KBTBD8: variants seen among roughly 807,000 people sequenced by gnomAD.
The protein encoded by KBTBD8 is kelch repeat and BTB domain-containing protein 8.
In KBTBD8, 31 loss-of-function variants were observed where a neutral mutation model predicts 53.5. The ratio of observed to expected loss-of-function variants is 0.58; its 90% CI spans 0.44 to 0.78. The LOEUF (loss-of-function observed/expected upper bound fraction) is 0.78, where lower values mean the gene tolerates loss of function less well. Among genes scored for constraint, KBTBD8 ranks in the 30% least tolerant of loss-of-function variants. The pLI, the probability that KBTBD8 is intolerant of heterozygous loss-of-function variation, is 0.00. For missense variants in KBTBD8, 642 were observed against 735.8 expected (o/e 0.87, Z 1.48); for synonymous variants, 250 against 247.3 (o/e 1.01, Z -0.10).
rs1327761951 is a variant in KBTBD8 at position 67,003,373 on chromosome 3, C to G, written c.406C>G (p.Gln136Glu). The G allele has an allele frequency of 3.1e-6, 5 of 1,614,148 alleles. No homozygotes were observed. Among genetic ancestry groups the G allele is most frequent in the Middle Eastern group, 1.6e-4 (1 of 6,062 alleles). The change falls in exon 3 of 4, where the codon CAA becomes GAA. Residue 136 changes from glutamine to glutamate, a missense_variant. Gln to Glu is a conservative substitution (Grantham distance 29, BLOSUM62 2). Coordinates refer to ENST00000417314, the MANE Select transcript of KBTBD8 (RefSeq NM_032505.3). Reference sequence around the variant, plus strand: ...TAGCATCTTCCAGATTCCTTCCATCCAAGACCAATGTGCTAAGTATATGAT... The same window carrying G: ...TAGCATCTTCCAGATTCCTTCCATCGAAGACCAATGTGCTAAGTATATGAT... ...AASIFQIPSI[Q>E]DQCAKYMISH... is the part of the protein sequence containing the mutation.
chr3:67,008,286 G>T lies in KBTBD8; in HGVS notation c.1707G>T (p.Met569Ile). ...ATGATGACATTGCTGACCAGTGGAT[G>T]AAAGTGTATGAGACCCCAGATCGGC... Reference protein sequence around the residue: ...YQYDDIADQWMKVYETPDRLW... With the variant: ...YQYDDIADQWIKVYETPDRLW... The change falls in exon 4 of 4, where the codon ATG becomes ATT. Residue 569 changes from methionine to isoleucine, a missense_variant. Physicochemically the swap from Met to Ile is conservative, Grantham distance 10. Coordinates refer to ENST00000417314, the MANE Select transcript of KBTBD8 (RefSeq NM_032505.3). 1 of 1,613,828 alleles carries T rather than the reference G, an allele frequency of 6.2e-7. No individual in the cohort carries two copies. The highest frequency in any genetic ancestry group is 8.5e-7 in the Non-Finnish European group (1 of 1,180,016).
chr3:67,003,539 T>A lies in KBTBD8; in HGVS notation c.572T>A (p.Leu191Ter). The change falls in exon 3 of 4, where the codon TTG becomes TAG. Residue 191 changes from leucine (L) to a stop codon, truncating the protein, a stop_gained. Coordinates refer to ENST00000417314, the MANE Select transcript of KBTBD8 (RefSeq NM_032505.3). LOFTEE classifies it high-confidence loss of function. ...ACCAAAGAACAAGAGTTTCTCCAGT[T>A]GACAAAAGACCAACTGATAAGTATA... Reference protein sequence around the residue: ...CVTKEQEFLQLTKDQLISILD... With the variant: ...CVTKEQEFLQ The A allele has an allele frequency of 6.2e-7, 1 of 1,614,122 alleles. No individual in the cohort carries two copies. The highest frequency in any genetic ancestry group is 8.5e-7 in the Non-Finnish European group (1 of 1,180,014).
In KBTBD8 at chr3:67,004,035, A is replaced by G. The variant is rs1488903649; in HGVS notation, c.1068A>G (p.Ala356=). ...GTGAGGTCTCCATCGACCATAAGGC[A>G]GAAAATGATTTCTGGATGTATGATC... ...SSSEVSIDHK[A]ENDFWMYDHS... Residue 356 remains alanine, a synonymous_variant, in exon 3 of 4, where the codon GCA becomes GCG. Coordinates refer to ENST00000417314, the MANE Select transcript of KBTBD8 (RefSeq NM_032505.3). 14 of 1,614,094 alleles carry G rather than the reference A, an allele frequency of 8.7e-6. No individual in the cohort carries two copies. Among genetic ancestry groups the G allele is most frequent in the Non-Finnish European group, 1.2e-5 (14 of 1,180,046 alleles).
At position 66,998,994 on chromosome 3, in the gene KBTBD8, T is replaced by C; in HGVS notation, c.30T>C (p.Ser10=). 1 of 1,606,394 alleles carries C rather than the reference T, an allele frequency of 6.2e-7. No individual in the cohort carries two copies. Among genetic ancestry groups the C allele is most frequent in the South Asian group, 1.1e-5 (1 of 90,050 alleles). Residue 10 remains serine (S), a synonymous_variant, in exon 2 of 4, where the codon TCT becomes TCC. Coordinates refer to ENST00000417314, the MANE Select transcript of KBTBD8 (RefSeq NM_032505.3). ...TTCTCCTCCTAGATTTAAGTAAGTC[T>C]TCCCCAACACCGAATGGGATTCCAT... MAASADLSK[S]SPTPNGIPSS...
At chr3:67,000,827 C>T (rs1159478751) in intron 2 of KBTBD8, among the ~76,000 whole-genome samples, 1 of 151,676 alleles carries the variant, frequency 6.6e-6, no homozygotes, top group Non-Finnish European at 1.5e-5. Flanking sequence ...TGTATGCTTA[C>T]TAAGTATACT....
chr3:67,001,540 A>G (rs920013639), intron 2 of KBTBD8, among the ~76,000 whole-genome samples: 3 of 152,226 alleles, frequency 2.0e-5, no homozygotes, highest in African/African-American at 4.8e-5. Flanking sequence ...AGTAGTTCCC[A>G]TGATAAAGGG....
intron 2 of KBTBD8, among the ~76,000 whole-genome samples, chr3:67,000,246 A>G (rs989619962): frequency 6.6e-6 from 1 of 152,212 alleles, no homozygotes; most frequent in Non-Finnish European, 1.5e-5. Flanking sequence ...TGCCTAGGGT[A>G]GGTCATTGGA....
Position 67,005,959 on chromosome 3 carries a change from C to T in KBTBD8, c.1342+1650C>T, listed in dbSNP as rs114610200. The stretch of plus-strand genomic sequence containing the variant: ...AAAAATTGTGTTCCTTGCTCTAATC[C>T]TTTATTTAACTAAAAATTTCCTAGT... On this transcript the variant is annotated intron_variant, in intron 3 of 3. Coordinates refer to ENST00000417314, the MANE Select transcript of KBTBD8 (RefSeq NM_032505.3). 9.4e-3 allele frequency among the ~76,000 whole-genome samples: 1,435 copies of T among 152,240 alleles called. 26 individuals carry two copies. The highest frequency in any genetic ancestry group is 0.033 in the African/African-American group (1,367 of 41,532).
At chr3:67,001,369 T>G (rs1182666551) in intron 2 of KBTBD8, among the ~76,000 whole-genome samples, 1 of 152,142 alleles carries the variant, frequency 6.6e-6, no homozygotes, top group Non-Finnish European at 1.5e-5. Flanking sequence ...AGAATTGAAA[T>G]TTGTATGATT....
At chr3:66,998,477 G>A (rs1283136309) in intron 1 of KBTBD8, 106 bp downstream of exon 1, 3 of 915,536 alleles carry the variant, frequency 3.3e-6, no homozygotes, top group Non-Finnish European at 4.5e-6. Context: ...GGAGCTAGAG[G>A]GAAGGATGAA....
chr3:67,000,005 C>A lies in KBTBD8; in HGVS notation c.227+814C>A, dbSNP rs927920159. On this transcript the variant is annotated intron_variant, in intron 2 of 3. Transcript: ENST00000417314. Reference sequence around the variant, plus strand: ...GCAGTTTTCTGCATGGGCTTAACTTCTTTTGTGTCAAATGCTCACTTTAAG... The same window carrying A: ...GCAGTTTTCTGCATGGGCTTAACTTATTTTGTGTCAAATGCTCACTTTAAG... 3.9e-5 allele frequency among the ~76,000 whole-genome samples: 6 copies of A among 152,190 alleles called. 1 individual carries two copies. The highest frequency in any genetic ancestry group is 6.5e-5 in the Admixed American group (1 of 15,284).
chr3:67,003,781 A>G lies in KBTBD8; in HGVS notation c.814A>G (p.Asn272Asp), dbSNP rs752315302. ...AKSCVEKGPS[N>D]TNGCTQRLGM... ...AAGCTGTGTAGAAAAGGGACCATCC[A>G]ACACCAATGGCTGTACACAGAGGCT... The change falls in exon 3 of 4, where the codon AAC (asparagine) becomes GAC (aspartate). Residue 272 changes from asparagine to aspartate, a missense_variant. By Grantham distance (23) the Asn-to-Asp change is conservative (BLOSUM62 1). Transcript: ENST00000417314. The G allele has an allele frequency of 1.2e-6, 2 of 1,614,218 alleles. No individual in the cohort carries two copies. Among genetic ancestry groups the G allele is most frequent in the South Asian group, 2.2e-5 (2 of 91,082 alleles).
chr3:66,998,502 T>G, intron 1 of KBTBD8, 131 bp downstream of exon 1: 2 of 711,042 alleles, frequency 2.8e-6, no homozygotes, highest in Non-Finnish European at 4.1e-6. Flanking sequence ...TGGAGGGGAA[T>G]GAGAAGAGGG....
intron 2 of KBTBD8, among the ~76,000 whole-genome samples, chr3:67,001,685 G>C (rs1282653090): frequency 6.6e-6 from 1 of 152,112 alleles, no homozygotes; most frequent in East Asian, 1.9e-4. Flanking sequence ...GGAACATCTA[G>C]TTTTTAGTCA....
rs760361083 is a variant in KBTBD8 at position 67,003,660 on chromosome 3, C to T, written c.693C>T (p.His231=). 14 of 1,614,074 alleles carry T rather than the reference C, an allele frequency of 8.7e-6. No homozygotes were observed. The highest frequency in any genetic ancestry group is 9.3e-6 in the Non-Finnish European group (11 of 1,180,022). ...FEHEQNEREV[H]LPEIFAKCIR... ...ATGAACAGAATGAAAGAGAAGTGCA[C>T]CTTCCAGAAATTTTTGCTAAATGCA... Residue 231 remains histidine (H), a synonymous_variant, in exon 3 of 4, where the codon CAC becomes CAT. Transcript: ENST00000417314.
intron 3 of KBTBD8, among the ~76,000 whole-genome samples, chr3:67,007,096 G>T (rs1009095138): frequency 6.6e-6 from 1 of 151,996 alleles, no homozygotes; most frequent in Non-Finnish European, 1.5e-5. Flanking sequence ...GCAACATTCA[G>T]GTAAGCACAT....
At chr3:67,002,970 G>A (rs546071891) in intron 2 of KBTBD8, among the ~76,000 whole-genome samples, 2 of 152,050 alleles carry the variant, frequency 1.3e-5, no homozygotes, top group East Asian at 1.9e-4. Context: ...TTTCATAGTT[G>A]GCACACAGCG....
intron 1 of KBTBD8, 145 bp from the exon 2 acceptor site, chr3:66,998,836 C>A: frequency 1.5e-6 from 1 of 669,542 alleles, no homozygotes; most frequent in Non-Finnish European, 2.6e-6. Flanking sequence ...CTCGCGGTCC[C>A]ACGAGGTCGT....
Position 67,003,735 on chromosome 3 carries a change from G to C in KBTBD8, c.768G>C (p.Gln256His), listed in dbSNP as rs746302687. 2.5e-6 allele frequency: 4 copies of C among 1,613,968 alleles called. No homozygotes were observed. Among genetic ancestry groups the C allele is most frequent in the Non-Finnish European group, 3.4e-6 (4 of 1,179,998 alleles). Reference sequence around the variant, plus strand: ...CCTTTATAGAGAAAATTCCACCTCAGTTTGCACAGGCTATAGCCAAAAGCT... The same window carrying C: ...CCTTTATAGAGAAAATTCCACCTCACTTTGCACAGGCTATAGCCAAAAGCT... ...EDTFIEKIPP[Q>H]FAQAIAKSCV... is the part of the protein sequence containing the mutation. Residue 256 changes from glutamine to histidine, a missense_variant, in exon 3 of 4, where the codon CAG (glutamine) becomes CAC (histidine). Coordinates refer to ENST00000417314, the MANE Select transcript of KBTBD8 (RefSeq NM_032505.3).
Sources: allele counts gnomAD v4.1 joint callset (sites outside exome capture counted in the v4.1 genomes callset), GRCh38; gene constraint gnomAD v4.1.1; transcripts MANE v1.5; gene names NCBI Gene and HGNC (gene_info 2026-07-23, HGNC 2026-07-21).